C3orf52: variants seen among roughly 807,000 people sequenced by gnomAD.
The protein encoded by C3orf52 is chromosome 3 open reading frame 52.
In C3orf52, 22 loss-of-function variants were observed where a neutral mutation model predicts 24.8. The observed-to-expected ratio is 0.89, with a 90% CI of 0.63 to 1.27. The LOEUF is 1.27. Among genes scored for constraint, C3orf52 ranks in the 50% most tolerant of loss-of-function variants. The pLI, the probability that C3orf52 is intolerant of heterozygous loss-of-function variation, is 0.00. For missense variants in C3orf52, 265 were observed against 260.7 expected (o/e 1.02, Z -0.11); for synonymous variants, 93 against 100.2 (o/e 0.93, Z 0.43).
intron 3 of C3orf52, among the ~76,000 whole-genome samples, chr3:112,105,055 A>T (rs2107783649): frequency 1.3e-5 from 2 of 152,338 alleles, no homozygotes; most frequent in East Asian, 3.9e-4. Context: ...TTTTACAACC[A>T]TATATCTTGC....
chr3:112,089,195 A>AT lies in C3orf52; in HGVS notation c.138+2651dup, dbSNP rs1196593253. 2.0e-5 allele frequency among the ~76,000 whole-genome samples: 3 copies of AT among 152,262 alleles called. No individual in the cohort carries two copies. In the East Asian group the frequency reaches 5.8e-4, roughly 29 times the overall value. On this transcript the variant is annotated intron_variant, in intron 1 of 5. Transcript: ENST00000264848. ...AAGAGATGGCAACATCATTTGAATA[A>AT]TAACAAACCAGTAAATTGATAGTTT...
intron 3 of C3orf52, among the ~76,000 whole-genome samples, chr3:112,105,605 G>A (rs1448640185): frequency 1.3e-5 from 2 of 149,762 alleles, no homozygotes; most frequent in Admixed American, 6.7e-5. Flanking sequence ...CCACCAGCTG[G>A]GTGTCTTGCA....
downstream of C3orf52, among the ~76,000 whole-genome samples, chr3:112,131,536 A>G (rs13069933): frequency 0.31 from 47,631 of 152,054 alleles, 8,171 homozygotes; most frequent in East Asian, 0.41. Context: ...TATGTTGTTC[A>G]GGCTGCCCTC....
intron 1 of C3orf52, among the ~76,000 whole-genome samples, chr3:112,091,288 G>A (rs531336074): frequency 6.6e-6 from 1 of 152,326 alleles, no homozygotes; most frequent in East Asian, 1.9e-4. Flanking sequence ...GGCAGTTTAA[G>A]AGCACCCCTC....
rs1054822093 is a variant in C3orf52, at chr3:112,116,064, T to G, written c.650-578T>G. Among the ~76,000 whole-genome samples the G allele has an allele frequency of 2.6e-5, 4 of 151,972 alleles. No homozygotes were observed. The East Asian group carries it at 7.7e-4, about 29-fold the overall frequency. On this transcript the variant is annotated intron_variant, in intron 5 of 5. Coordinates refer to ENST00000264848, the MANE Select transcript of C3orf52 (RefSeq NM_024616.3). ...GGAAGGAGTCAGCTAGTAGACTGAGTAGGGAAAAAGGGCAAAACCAGGATT... is the reference window on the plus strand; with the variant it reads ...GGAAGGAGTCAGCTAGTAGACTGAGGAGGGAAAAAGGGCAAAACCAGGATT...
downstream of C3orf52, chr3:112,132,722 G>A (rs1452562312): frequency 2.1e-6 from 2 of 953,670 alleles, no homozygotes; most frequent in Non-Finnish European, 2.5e-6. Context: ...GTGGCTGAAA[G>A]AGGGTGGTGA....
downstream of C3orf52, chr3:112,133,234 G>A (rs775541706): frequency 4.8e-5 from 53 of 1,097,506 alleles, 1 homozygote; most frequent in Middle Eastern, 1.0e-3. Flanking sequence ...CTGGCCACCC[G>A]TGCAGAGACA....
chr3:112,115,659 T>G (rs1031661005), intron 5 of C3orf52, among the ~76,000 whole-genome samples: 1 of 152,208 alleles, frequency 6.6e-6, no homozygotes, highest in African/African-American at 2.4e-5. Flanking sequence ...AGTATTTCCC[T>G]GAGGCCAGCC....
At chr3:112,107,411 T>C (rs2074035925) in intron 3 of C3orf52, among the ~76,000 whole-genome samples, 1 of 152,224 alleles carries the variant, frequency 6.6e-6, no homozygotes, top group Non-Finnish European at 1.5e-5. Context: ...TCCCGAGTTT[T>C]CTAAATGACT....
rs2074135533 is a variant in C3orf52 at position 112,116,635 on chromosome 3, T to C, written c.650-7T>C. ...GTAACTTTTGTTCATCTGTGTTTTC[T>C]TTTTAGAATGAAGTGATGGAGGCTG... On this transcript the variant is annotated splice_region_variant and splice_polypyrimidine_tract_variant and intron_variant, in intron 5 of 5. Coordinates refer to ENST00000264848, the MANE Select transcript of C3orf52 (RefSeq NM_024616.3). 1.3e-6 allele frequency: 2 copies of C among 1,558,358 alleles called. No homozygotes were observed. The highest frequency in any genetic ancestry group is 1.7e-6 in the Non-Finnish European group (2 of 1,149,658).
intron 2 of C3orf52, among the ~76,000 whole-genome samples, chr3:112,095,736 T>C (rs1320277763): frequency 5.3e-5 from 8 of 151,896 alleles, no homozygotes; most frequent in Admixed American, 5.2e-4. Context: ...TTACTTGGCA[T>C]CTCAGCTCTT....
chr3:112,124,341 G>A (rs1304830207), intron 4 of C3orf52, among the ~76,000 whole-genome samples: 2 of 152,144 alleles, frequency 1.3e-5, no homozygotes, highest in South Asian at 2.1e-4. Flanking sequence ...GGGCACGGTG[G>A]CTCACACTTG....
chr3:112,113,122 A>G lies in C3orf52; in HGVS notation c.626A>G (p.Asp209Gly), dbSNP rs779153317. 6 of 1,609,102 alleles carry G rather than the reference A, an allele frequency of 3.7e-6. No individual in the cohort carries two copies. The Admixed American group carries it at 1.0e-4, about 27-fold the overall frequency. ...CCTGGTTGTGAGAGTCTGGGGCTTG[A>G]TCCAACATCCCTCTTGCTCTATGGT... Reference protein sequence around the residue: ...NIPGCESLGLDPTSLLLYE With the variant: ...NIPGCESLGLGPTSLLLYE The change falls in exon 5 of 6, where the codon GAT becomes GGT. Residue 209 changes from aspartate to glycine, a missense_variant. Transcript: ENST00000264848.
chr3:112,106,039 C>T (rs933835653), intron 3 of C3orf52, among the ~76,000 whole-genome samples: 3 of 152,052 alleles, frequency 2.0e-5, no homozygotes. Context: ...GTACATAGGG[C>T]GGACACGTGG....
chr3:112,093,133 C>T (rs1318390090), intron 1 of C3orf52, among the ~76,000 whole-genome samples: 3 of 152,170 alleles, frequency 2.0e-5, no homozygotes, highest in Non-Finnish European at 4.4e-5. Context: ...TTTCAAAATC[C>T]TGCCTATCCT....
downstream of C3orf52, chr3:112,133,274 G>C (rs762781996): frequency 5.3e-6 from 4 of 754,208 alleles, no homozygotes; most frequent in Non-Finnish European, 9.0e-6. Context: ...CTCTGCAGAG[G>C]GAAGGAAGAG....
chr3:112,097,898 TG>T (rs2073939582), intron 2 of C3orf52, among the ~76,000 whole-genome samples: 1 of 152,230 alleles, frequency 6.6e-6, no homozygotes, highest in Admixed American at 6.5e-5. Flanking sequence ...TTATGCCTAG[TG>T]TTCCATTATT....
chr3:112,124,170 G>A (rs183311162), intron 4 of C3orf52, among the ~76,000 whole-genome samples: 23 of 152,280 alleles, frequency 1.5e-4, no homozygotes, highest in South Asian at 1.0e-3. Context: ...TGAGTGTACC[G>A]CCTGAAGAAC....
intron 2 of C3orf52, among the ~76,000 whole-genome samples, chr3:112,094,852 A>G (rs1349089058): frequency 6.6e-6 from 1 of 152,214 alleles, no homozygotes; most frequent in Non-Finnish European, 1.5e-5. Flanking sequence ...ACTCCCGAGC[A>G]TGATCCAGCC....
Sources: allele counts gnomAD v4.1 joint callset (sites outside exome capture counted in the v4.1 genomes callset), GRCh38; gene constraint gnomAD v4.1.1; transcripts MANE v1.5; gene names NCBI Gene and HGNC (gene_info 2026-07-23, HGNC 2026-07-21).